The following RELN variants were observed in gnomAD, a reference collection of about 807,000 sequenced individuals.
RELN encodes the protein reelin.
A neutral mutation model predicts 427.6 loss-of-function variants in RELN; 108 were observed. That is an observed-to-expected ratio of 0.25 (90% CI 0.22 to 0.30). The LOEUF is 0.30. Among genes scored for constraint, RELN ranks in the 10% least tolerant of loss-of-function variants. RELN has a pLI of 1.00. For synonymous variants in RELN, 1,524 were observed against 1,513.4 expected, an observed-to-expected ratio of 1.01 and a Z score of -0.16; for missense variants, 3,715 against 4,302.8, an observed-to-expected ratio of 0.86 and a Z score of 3.82.
intron 56 of RELN, among the ~76,000 whole-genome samples, chr7:103,496,321 A>T (rs981406842): frequency 6.6e-6 from 1 of 152,240 alleles, no homozygotes; most frequent in Non-Finnish European, 1.5e-5. Flanking sequence ...CTTTAACATG[A>T]TTTATTGAAT....
intron 50 of RELN, among the ~76,000 whole-genome samples, chr7:103,514,486 C>T (rs1020855108): frequency 6.6e-6 from 1 of 152,028 alleles, no homozygotes; most frequent in African/African-American, 2.4e-5. Flanking sequence ...ATGGTGAAAC[C>T]CCATCTCTAC....
At chr7:103,548,380 C>T (rs1830345374) in intron 41 of RELN, among the ~76,000 whole-genome samples, 1 of 152,070 alleles carries the variant, frequency 6.6e-6, no homozygotes, top group Non-Finnish European at 1.5e-5. Flanking sequence ...TTACTATGTA[C>T]CATGTTGAAT....
chr7:103,865,132 C>CAAAAA (rs386410871), intron 2 of RELN, among the ~76,000 whole-genome samples: 173 of 66,928 alleles, frequency 2.6e-3, no homozygotes, highest in African/African-American at 3.0e-3. Context: ...GAAACTGTCT[C>CAAAAA]AAAAAAAAAA....
chr7:103,481,051 C>CT (rs889995422), intron 63 of RELN, among the ~76,000 whole-genome samples: 2 of 152,196 alleles, frequency 1.3e-5, no homozygotes, highest in African/African-American at 4.8e-5. Context: ...TGCCGGTGCT[C>CT]TGACAGCCTC....
chr7:103,593,676 A>G lies in RELN; in HGVS notation c.3912+6T>C. The G allele has an allele frequency of 1.2e-6, 2 of 1,610,598 alleles. No individual in the cohort carries two copies. The highest frequency in any genetic ancestry group is 1.7e-6 in the Non-Finnish European group (2 of 1,176,828). On this transcript the variant is annotated splice_donor_region_variant and intron_variant, in intron 27 of 64. Coordinates refer to ENST00000428762, the MANE Select transcript of RELN (RefSeq NM_005045.4). ...TTGCTCTGGGAAGAAGCTTGTGCATAAATACCTTGAACTGTAGCACATATC... is the reference window on the plus strand; with the variant it reads ...TTGCTCTGGGAAGAAGCTTGTGCATGAATACCTTGAACTGTAGCACATATC...
At chr7:103,755,475 GCGGT>G (rs1791113629) in intron 4 of RELN, among the ~76,000 whole-genome samples, 1 of 151,984 alleles carries the variant, frequency 6.6e-6, no homozygotes, top group Non-Finnish European at 1.5e-5. Flanking sequence ...GGGCGTGGTG[GCGGT>G]CGCCTGTAGT....
At chr7:103,785,529 C>T (rs1791994112) in intron 3 of RELN, among the ~76,000 whole-genome samples, 1 of 152,088 alleles carries the variant, frequency 6.6e-6, no homozygotes, top group Non-Finnish European at 1.5e-5. Flanking sequence ...GCATCCATTA[C>T]CTCCATGATT....
At chr7:103,911,748 G>A (rs866130576) in intron 2 of RELN, among the ~76,000 whole-genome samples, 132 of 133,338 alleles carry the variant, frequency 9.9e-4, no homozygotes, top group Non-Finnish European at 1.4e-3. Context: ...GTAAACTATC[G>A]CAAGAACAAA....
At chr7:103,596,215 T>A (rs1831533895) in intron 25 of RELN, among the ~76,000 whole-genome samples, 2 of 152,252 alleles carry the variant, frequency 1.3e-5, no homozygotes, top group Admixed American at 6.5e-5. Context: ...TGGTTACGTA[T>A]CTTGCTTTTC....
At chr7:103,612,523 T>G (rs1395255942) in intron 20 of RELN, among the ~76,000 whole-genome samples, 1 of 152,044 alleles carries the variant, frequency 6.6e-6, no homozygotes, top group Non-Finnish European at 1.5e-5. Context: ...GATCTGCCCA[T>G]CTTGGCCTCC....
At chr7:103,514,070 T>C (rs1037535731) in intron 50 of RELN, 2 of 152,210 alleles carry the variant, frequency 1.3e-5, no homozygotes, top group Non-Finnish European at 2.9e-5. Flanking sequence ...ATCAGTCTTA[T>C]TATTGTAAAA....
chr7:103,694,232 A>T (rs1376346977), intron 10 of RELN, among the ~76,000 whole-genome samples: 1 of 152,154 alleles, frequency 6.6e-6, no homozygotes, highest in African/African-American at 2.4e-5. Context: ...GTTGGGAAGA[A>T]ACACAAGACA....
intron 41 of RELN, among the ~76,000 whole-genome samples, chr7:103,549,652 C>T (rs1335096795): frequency 3.3e-5 from 5 of 152,150 alleles, no homozygotes; most frequent in African/African-American, 1.2e-4. Context: ...AATGAAAGCT[C>T]TGGTTTGCCA....
intron 31 of RELN, 105 bp downstream of exon 31, chr7:103,572,079 T>C: frequency 1.4e-6 from 1 of 736,102 alleles, no homozygotes; most frequent in Non-Finnish European, 2.5e-6. Context: ...GAAGGAATGA[T>C]TCAGGGTAAT....
intron 4 of RELN, among the ~76,000 whole-genome samples, chr7:103,769,544 A>G (rs186715097): frequency 1.3e-5 from 2 of 152,264 alleles, no homozygotes; most frequent in Admixed American, 6.5e-5. Context: ...GCACTCTGTT[A>G]TGGCAGCACA....
intron 3 of RELN, among the ~76,000 whole-genome samples, chr7:103,802,851 G>A (rs1338304332): frequency 7.2e-5 from 11 of 152,050 alleles, no homozygotes; most frequent in Non-Finnish European, 2.9e-5. Context: ...ATTACTGGCT[G>A]AAACAAAAAC....
intron 45 of RELN, among the ~76,000 whole-genome samples, chr7:103,536,487 CT>C (rs1830054994): frequency 6.6e-6 from 1 of 152,124 alleles, no homozygotes; most frequent in Non-Finnish European, 1.5e-5. Context: ...TGATTGAACT[CT>C]TTTGGGGCAT....
chr7:103,479,689 T>C (rs922744409), intron 63 of RELN, among the ~76,000 whole-genome samples: 3 of 152,216 alleles, frequency 2.0e-5, no homozygotes, highest in African/African-American at 7.2e-5. Context: ...CTTCCACATG[T>C]ATTTTAGAAT....
intron 2 of RELN, among the ~76,000 whole-genome samples, chr7:103,906,534 ACTCT>A (rs4006759): frequency 6.6e-5 from 10 of 151,154 alleles, no homozygotes; most frequent in Non-Finnish European, 1.2e-4. Flanking sequence ...CAGCATTCTG[ACTCT>A]CTCTCTCTCC....
Sources: gnomAD v4.1 joint callset for allele counts (sites outside exome capture counted in the v4.1 genomes callset) on GRCh38, gnomAD v4.1.1 for gene constraint, MANE v1.5 for transcripts, NCBI Gene and HGNC (gene_info 2026-07-23, HGNC 2026-07-21) for gene names.